The following DNM3 variants were observed in gnomAD, a reference collection of about 807,000 sequenced individuals.
DNM3 encodes the protein dynamin-3.
A neutral mutation model predicts 101.6 loss-of-function variants in DNM3; 47 were observed. That is an observed-to-expected ratio of 0.46 (90% confidence interval 0.37 to 0.59). DNM3 has a LOEUF of 0.59. Ranked by LOEUF, DNM3 falls within the 20% of genes least tolerant of loss-of-function variation. The pLI is 0.00. For missense variants in DNM3, 849 were observed against 1,085.7 expected (o/e 0.78, Z 3.06); for synonymous variants, 385 against 387.9 (o/e 0.99, Z 0.09).
At chr1:172,157,299 G>T (rs905758397) in intron 14 of DNM3, among the ~76,000 whole-genome samples, 6 of 152,052 alleles carry the variant, frequency 3.9e-5, no homozygotes, top group African/African-American at 1.4e-4. Context: ...TAATACTGCT[G>T]CTGATCTGAC....
At chr1:172,131,341 A>T (rs1025850167) in intron 14 of DNM3, 53 bp downstream of exon 14, 1 of 1,444,988 alleles carries the variant, frequency 6.9e-7, no homozygotes. Context: ...CTCATTTTAA[A>T]TTAACTGATA....
Position 172,408,980 on chromosome 1 carries a change from A to G in DNM3, c.*1139A>G, listed in dbSNP as rs1465398450. 9.1e-6 allele frequency: 9 copies of G among 985,280 alleles called. No homozygotes were observed. Among genetic ancestry groups the G allele is most frequent in the Non-Finnish European group, 1.1e-5 (9 of 829,900 alleles). 61.0% of individuals were successfully genotyped at this position (985,280 alleles called of 1,614,324 possible). A position where few individuals can be genotyped will look rare whatever the true frequency, so the allele number is the denominator to read the frequency against. On this transcript the variant is annotated 3_prime_UTR_variant, in exon 21 of 21. Transcript: ENST00000627582. Reference sequence around the variant, plus strand: ...ACAGTTGCAGTATTTCAAAGTCCCTATCCAGGTCACTCCAGAAAAGGGTAT... The same window carrying G: ...ACAGTTGCAGTATTTCAAAGTCCCTGTCCAGGTCACTCCAGAAAAGGGTAT...
At chr1:172,137,940 C>CT (rs1206482935) in intron 14 of DNM3, 1 of 152,130 alleles carries the variant, frequency 6.6e-6, no homozygotes, top group African/African-American at 2.4e-5. Flanking sequence ...GCATTAACCA[C>CT]TTTCCTTATG....
At chr1:171,936,454 C>T (rs2041432147) in intron 2 of DNM3, among the ~76,000 whole-genome samples, 1 of 152,130 alleles carries the variant, frequency 6.6e-6, no homozygotes, top group Admixed American at 6.5e-5. Context: ...GATAATTTTT[C>T]TGTTAAAATA....
At chr1:172,077,676 G>C (rs1054613379) in intron 11 of DNM3, among the ~76,000 whole-genome samples, 2 of 152,146 alleles carry the variant, frequency 1.3e-5, no homozygotes, top group Admixed American at 1.3e-4. Flanking sequence ...CTGAGAGACT[G>C]TTTGTTATGA....
chr1:172,226,658 A>G (rs1290053660), intron 14 of DNM3, among the ~76,000 whole-genome samples: 1 of 152,178 alleles, frequency 6.6e-6, no homozygotes, highest in Non-Finnish European at 1.5e-5. Flanking sequence ...GAATTAAATG[A>G]CTAAATATAT....
chr1:171,962,508 A>G (rs1455754328), intron 2 of DNM3, among the ~76,000 whole-genome samples: 1 of 152,132 alleles, frequency 6.6e-6, no homozygotes, highest in Admixed American at 6.6e-5. Flanking sequence ...GGTAGCTTAA[A>G]CAACAGACAT....
chr1:172,138,938 GACAGAT>G (rs1372674696), intron 14 of DNM3: 1 of 472,468 alleles, frequency 2.1e-6, no homozygotes, highest in African/African-American at 2.0e-5. Flanking sequence ...TTTGCTCATA[GACAGAT>G]ACAATCAGCC....
chr1:171,968,707 A>G (rs1016952042), intron 2 of DNM3, among the ~76,000 whole-genome samples: 2 of 152,158 alleles, frequency 1.3e-5, no homozygotes, highest in African/African-American at 4.8e-5. Flanking sequence ...ATGGCCTCCT[A>G]TAACGGTCTT....
At chr1:172,170,351 A>T (rs11579861) in intron 14 of DNM3, among the ~76,000 whole-genome samples, 2,906 of 151,958 alleles carry the variant, frequency 0.019, 37 homozygotes, top group Admixed American at 0.027. Flanking sequence ...GTGAACACAG[A>T]TGTGCTAGAC....
chr1:172,210,168 C>T (rs1432235924), intron 14 of DNM3, among the ~76,000 whole-genome samples: 2 of 152,024 alleles, frequency 1.3e-5, no homozygotes, highest in Non-Finnish European at 2.9e-5. Flanking sequence ...GCAAAGTTCA[C>T]TTTTTTAAAT....
chr1:172,337,988 C>T (rs969794103), intron 17 of DNM3, among the ~76,000 whole-genome samples: 13 of 151,022 alleles, frequency 8.6e-5, no homozygotes, highest in Admixed American at 2.0e-4. Context: ...GCAATCTTGG[C>T]TCACTGCAAC....
intron 15 of DNM3, among the ~76,000 whole-genome samples, chr1:172,291,674 C>T (rs2063922015): frequency 6.6e-6 from 1 of 152,126 alleles, no homozygotes; most frequent in African/African-American, 2.4e-5. Flanking sequence ...AGCATATTTA[C>T]TACAGAATTG....
At chr1:171,908,381 T>C (rs956683841) in intron 1 of DNM3, among the ~76,000 whole-genome samples, 71 of 152,190 alleles carry the variant, frequency 4.7e-4, no homozygotes, top group African/African-American at 1.7e-3. Context: ...GTAATATAGA[T>C]TAGGTTGCAT....
At chr1:172,145,346 C>A (rs926325330) in intron 14 of DNM3, among the ~76,000 whole-genome samples, 2 of 150,690 alleles carry the variant, frequency 1.3e-5, no homozygotes, top group Non-Finnish European at 3.0e-5. Flanking sequence ...CTCTCTCTCT[C>A]CCCCTCTTCC....
rs56189708 is a variant in DNM3 at position 172,289,350 on chromosome 1, A to T, written c.1770-19378A>T. 6.7e-3 allele frequency: 1,115 copies of T among 167,608 alleles called. 8 individuals are homozygous for T. Among genetic ancestry groups the T allele is most frequent in the African/African-American group, 0.025 (1,056 of 41,832 alleles). The allele number at this position is 167,608 out of a possible 1,614,324, so 10.4% of individuals were successfully genotyped here. ...GATGGGATTTTATTATTTTGGTGTT[A>T]TATTTCCTATATGTAACATCCATAA... is the stretch of plus-strand genomic sequence containing the variant. On this transcript the variant is annotated intron_variant, in intron 15 of 20. Coordinates refer to ENST00000627582, the MANE Select transcript of DNM3 (RefSeq NM_015569.5).
chr1:172,211,279 C>T lies in DNM3; in HGVS notation c.1660-42294C>T, dbSNP rs377175301. On this transcript the variant is annotated intron_variant, in intron 14 of 20. Coordinates refer to ENST00000627582, the MANE Select transcript of DNM3 (RefSeq NM_015569.5). ...CCGTAATTACTAGTATTTTCCATAA[C>T]CTAGGTAACTCAGCTGTCTAAGAAA... Among the ~76,000 whole-genome samples the T allele has an allele frequency of 9.2e-5, 14 of 152,176 alleles. No individual in the cohort carries two copies. In the South Asian group the frequency reaches 2.9e-3, roughly 32 times the overall value.
At chr1:171,957,535 A>G (rs1438838814) in intron 2 of DNM3, among the ~76,000 whole-genome samples, 1 of 151,854 alleles carries the variant, frequency 6.6e-6, no homozygotes, top group Non-Finnish European at 1.5e-5. Flanking sequence ...CAGGCTGCAA[A>G]TTTTCCAAAC....
At chr1:172,170,012 CTAAGTA>C (rs2058892598) in intron 14 of DNM3, among the ~76,000 whole-genome samples, 1 of 151,620 alleles carries the variant, frequency 6.6e-6, no homozygotes, top group African/African-American at 2.4e-5. Context: ...GCATTTTTTT[CTAAGTA>C]TGTTTAGGAA....
Sources: allele counts gnomAD v4.1 joint callset (sites outside exome capture counted in the v4.1 genomes callset), GRCh38; gene constraint gnomAD v4.1.1; transcripts MANE v1.5; gene names NCBI Gene and HGNC (gene_info 2026-07-23, HGNC 2026-07-21).